Variants in PHF19 observed in about 807,000 individuals in gnomAD.
PHF19 encodes PHD finger protein 19, also known as polycomb like 3.
A neutral mutation model predicts 79.8 loss-of-function variants in PHF19; 21 were observed. The observed-to-expected ratio is 0.26, with a 90% CI of 0.19 to 0.38. PHF19 has a LOEUF of 0.38. Ranked by LOEUF, PHF19 falls within the 10% of genes least tolerant of loss-of-function variation. The pLI is 1.00. For synonymous variants in PHF19, 273 were observed against 296.3 expected (o/e 0.92, Z 0.81); for missense variants, 445 against 744.2 (o/e 0.60, Z 4.68).
Position 120,870,342 on chromosome 9 carries a change from G to T in PHF19, c.364+101C>A. The T allele has an allele frequency of 1.3e-6, 1 of 747,764 alleles. No homozygotes were observed. Among genetic ancestry groups the T allele is most frequent in the Non-Finnish European group, 2.3e-6 (1 of 428,132 alleles). The allele number at this position is 747,764 out of a possible 1,614,324, so 46.3% of individuals were successfully genotyped here. A position where few individuals can be genotyped will look rare whatever the true frequency, so the allele number is the denominator to read the frequency against. ...CCTGCAGTGCCAAGAGAAACAGGAA[G>T]CCAGCTGAGGCCCCAACAGGCTGCA... On this transcript the variant is annotated intron_variant, in intron 4 of 14. Coordinates refer to ENST00000373896, the MANE Select transcript of PHF19 (RefSeq NM_015651.3). This position sits in a 1 kb window ranked among gnomAD's most constrained non-coding sequence, Gnocchi z 4.4.
intron 14 of PHF19, 131 bp from the exon 15 acceptor site, chr9:120,858,417 A>G (rs950094303): frequency 1.9e-5 from 12 of 617,258 alleles, no homozygotes; most frequent in African/African-American, 1.3e-4. Flanking sequence ...TCTCTTATCC[A>G]TCTTCTCCCA....
At position 120,891,248 on chromosome 9, in the gene PHF19, T is replaced by TCTCTCCCCTC. The variant is rs1480709071; in HGVS notation, c.42+3530_42+3539dup. Among the ~76,000 whole-genome samples, 15 of 151,632 alleles carry TCTCTCCCCTC rather than the reference T, an allele frequency of 9.9e-5. No homozygotes were observed. The highest frequency in any genetic ancestry group is 3.4e-4 in the African/African-American group (14 of 41,330). Reference sequence around the variant, plus strand: ...ATCTGCCTCTCCCGCCCTCTTCCCTTCTCTCCCCTCCTCTCCCCTCCTTTC... The same window carrying TCTCTCCCCTC: ...ATCTGCCTCTCCCGCCCTCTTCCCTTCTCTCCCCTCCTCTCCCCTCCTCTCCCCTCCTTTC... On this transcript the variant is annotated intron_variant, in intron 1 of 14. Transcript: ENST00000616568. This position sits in a 1 kb window ranked among gnomAD's most constrained non-coding sequence, Gnocchi z 4.3.
chr9:120,858,053 G>A lies in PHF19; in HGVS notation c.1634C>T (p.Ala545Val). Residue 545 changes from alanine (A) to valine (V), a missense_variant, in exon 15 of 15, where the codon GCA becomes GTA. Ala to Val is a moderately conservative substitution (Grantham distance 64, BLOSUM62 0). Around this residue, in one of 5 missense-constraint regions of PHF19, gnomAD observed 20 missense variants for 47.6 expected, o/e 0.42. Coordinates refer to ENST00000373896, the MANE Select transcript of PHF19 (RefSeq NM_015651.3). ...CTCCCCACAGGCCAACCGCCCAGCT[G>A]CACCAAAGTAGTTGGTGATAGATGA... ...LKSSITNYFGAAGRLACGEKY... is the reference protein window; with the variant it reads ...LKSSITNYFGVAGRLACGEKY... The A allele has an allele frequency of 6.2e-7, 1 of 1,613,928 alleles. No homozygotes were observed. The highest frequency in any genetic ancestry group is 8.5e-7 in the Non-Finnish European group (1 of 1,179,750).
intron 1 of PHF19, among the ~76,000 whole-genome samples, chr9:120,887,539 G>C (rs2046281806): frequency 6.6e-6 from 1 of 152,102 alleles, no homozygotes; most frequent in Non-Finnish European, 1.5e-5. Flanking sequence ...TCGCCAGCCT[G>C]CTGGCCTGCC....
chr9:120,900,447 T>C, the PHF19 span, among the ~76,000 whole-genome samples: 6 of 152,254 alleles, frequency 3.9e-5, no homozygotes, highest in South Asian at 2.1e-4. Flanking sequence ...TGTTTGTATC[T>C]ACTTTCTCAA....
upstream of PHF19, chr9:120,877,394 T>G: frequency 1.0e-6 from 1 of 977,872 alleles, no homozygotes; most frequent in Non-Finnish European, 1.2e-6. Flanking sequence ...GGCCTCGCCA[T>G]TGGAGCCCGC....
At chr9:120,877,233 G>T, upstream of PHF19, 1 of 940,256 alleles carries the variant, frequency 1.1e-6, no homozygotes, top group South Asian at 4.7e-5. Flanking sequence ...GGGGCGGGGC[G>T]GGGCGGGGGC....
At position 120,860,200 on chromosome 9, in the gene PHF19, A is replaced by G; in HGVS notation, c.1305-15T>C. 2.7e-6 allele frequency: 4 copies of G among 1,479,030 alleles called. No individual in the cohort carries two copies. Among genetic ancestry groups the G allele is most frequent in the Non-Finnish European group, 3.7e-6 (4 of 1,072,214 alleles). The allele number at this position is 1,479,030 out of a possible 1,614,324, so 91.6% of individuals were successfully genotyped here. On this transcript the variant is annotated splice_polypyrimidine_tract_variant and intron_variant, in intron 13 of 14. Coordinates refer to ENST00000373896, the MANE Select transcript of PHF19 (RefSeq NM_015651.3). The surrounding 1 kb of genome is among the most constrained non-coding windows in gnomAD (Gnocchi z 4.1). ...CTGAGCTGGCACTGAGAGGGGCAAG[A>G]CCGTGAGCCTGCTGGTGGCCCGGCC...
At chr9:120,884,874 T>C (rs1029927116) in intron 1 of PHF19, among the ~76,000 whole-genome samples, 2 of 151,858 alleles carry the variant, frequency 1.3e-5, no homozygotes, top group Non-Finnish European at 2.9e-5. Flanking sequence ...TGAGTTCAGA[T>C]AGCACCACTG....
intron 1 of PHF19, among the ~76,000 whole-genome samples, chr9:120,887,064 T>TC (rs1554821912): frequency 1.4e-5 from 1 of 71,304 alleles, no homozygotes; most frequent in Non-Finnish European, 2.7e-5. Context: ...AGACTCTGTC[T>TC]AAAAAAAAAA....
chr9:120,901,090 G>A, the PHF19 span, among the ~76,000 whole-genome samples: 1 of 152,220 alleles, frequency 6.6e-6, no homozygotes, highest in Non-Finnish European at 1.5e-5. Flanking sequence ...CTTTGGCTGG[G>A]GGTAGAGGGA....
rs142100410 is a variant in PHF19, at chr9:120,862,429, G to A, written c.1130+159C>T. On this transcript the variant is annotated intron_variant, in intron 11 of 14. Transcript: ENST00000373896. This position sits in a 1 kb window ranked among gnomAD's most constrained non-coding sequence, Gnocchi z 4.6. ...AATAAGGGGGCTGTGGTGGTGAAAG[G>A]AGTTGGGGATCTGGGATCTGGGATC... Among the ~76,000 whole-genome samples the A allele has an allele frequency of 2.0e-3, 312 of 152,344 alleles. No individual in the cohort carries two copies. Among genetic ancestry groups the A allele is most frequent in the Non-Finnish European group, 3.1e-3 (211 of 68,020 alleles).
intron 6 of PHF19, among the ~76,000 whole-genome samples, chr9:120,867,914 A>G (rs771404396): frequency 1.3e-5 from 2 of 152,172 alleles, no homozygotes; most frequent in Non-Finnish European, 2.9e-5. Context: ...AGCAAGCTCA[A>G]CTGCCATGGC....
intron 9 of PHF19, among the ~76,000 whole-genome samples, chr9:120,865,443 G>C (rs2045670484): frequency 6.6e-6 from 1 of 152,304 alleles, no homozygotes; most frequent in South Asian, 2.1e-4. Flanking sequence ...ATCTGGAGTG[G>C]GTCAAACACT....
chr9:120,857,634 G>T lies in PHF19; in HGVS notation c.*310C>A. The T allele has an allele frequency of 3.4e-6, 1 of 293,294 alleles. No individual in the cohort carries two copies. The highest frequency in any genetic ancestry group is 6.3e-6 in the Non-Finnish European group (1 of 158,462). 18.2% of individuals were successfully genotyped at this position (293,294 alleles called of 1,614,324 possible). On this transcript the variant is annotated 3_prime_UTR_variant, in exon 15 of 15. Transcript: ENST00000373896. ...CACACAACTGGGGACAAAGACCTGGGCCTCAGGAGGAAGGGTCCCAGCGCA... is the reference window on the plus strand; with the variant it reads ...CACACAACTGGGGACAAAGACCTGGTCCTCAGGAGGAAGGGTCCCAGCGCA...
intron 1 of PHF19, among the ~76,000 whole-genome samples, chr9:120,876,716 C>T (rs1445708263): frequency 6.6e-6 from 1 of 152,194 alleles, no homozygotes; most frequent in Admixed American, 6.5e-5. Flanking sequence ...CCTTCGGGTT[C>T]AGCGCTCCTC....
rs1022737277 is a variant in PHF19 at position 120,856,125 on chromosome 9, G to A, written c.*1819C>T. The A allele has an allele frequency of 6.5e-6, 1 of 152,798 alleles. No individual in the cohort carries two copies. The highest frequency in any genetic ancestry group is 2.4e-5 in the African/African-American group (1 of 41,468). The allele number at this position is 152,798 out of a possible 1,614,324, so 9.5% of individuals were successfully genotyped here. A position where few individuals can be genotyped will look rare whatever the true frequency, so the allele number is the denominator to read the frequency against. ...TTCCACCTGGCCCTAGTTGGCCCCT[G>A]TGGCAGCAGCTGTGGGGCTGAAAAG... is the stretch of plus-strand genomic sequence containing the variant. On this transcript the variant is annotated 3_prime_UTR_variant, in exon 15 of 15. Coordinates refer to ENST00000373896, the MANE Select transcript of PHF19 (RefSeq NM_015651.3).
Position 120,873,963 on chromosome 9 carries a change from T to C in PHF19, c.268+16A>G, listed in dbSNP as rs778549976. 11 of 1,429,248 alleles carry C rather than the reference T, an allele frequency of 7.7e-6. No homozygotes were observed. Among genetic ancestry groups the C allele is most frequent in the Non-Finnish European group, 9.9e-6 (10 of 1,013,934 alleles). The allele number at this position is 1,429,248 out of a possible 1,614,324, so 88.5% of individuals were successfully genotyped here. On this transcript the variant is annotated intron_variant, in intron 3 of 14. Coordinates refer to ENST00000373896, the MANE Select transcript of PHF19 (RefSeq NM_015651.3). ...TGGGGAGGTTGGGGGCTACCCGAAA[T>C]GTTAGGAAAACTCACCATGCTGTAT...
chr9:120,862,625 A>C lies in PHF19; in HGVS notation c.1093T>G (p.Ser365Ala), dbSNP rs1389941569. Residue 365 changes from serine (S) to alanine (A), a missense_variant, in exon 11 of 15, where the codon TCC (serine) becomes GCC (alanine). Physicochemically the swap from Ser to Ala is moderately conservative, Grantham distance 99. This residue lies in a region of PHF19 where 83 missense variants were observed against 85.5 expected (regional missense o/e 0.97). Coordinates refer to ENST00000373896, the MANE Select transcript of PHF19 (RefSeq NM_015651.3). This position sits in a 1 kb window ranked among gnomAD's most constrained non-coding sequence, Gnocchi z 4.6. ...TTTCCTCTCTTACGCAGCTCAGAGGAGGCGCTGTTCTCATTTGGCAGCAGT... is the reference window on the plus strand; with the variant it reads ...TTTCCTCTCTTACGCAGCTCAGAGGCGGCGCTGTTCTCATTTGGCAGCAGT... ...KGLLPNENSA[S>A]SELRKRGKSK... The C allele has an allele frequency of 5.0e-6, 8 of 1,614,064 alleles. No homozygotes were observed. In the Admixed American group the frequency reaches 5.0e-5, roughly 10 times the overall value.
Sources: allele counts gnomAD v4.1 joint callset (sites outside exome capture counted in the v4.1 genomes callset), GRCh38; gene constraint gnomAD v4.1.1; regional missense constraint gnomAD v4.1.1; non-coding constraint Gnocchi (gnomAD v3.1); transcripts MANE v1.5; gene names NCBI Gene and HGNC (gene_info 2026-07-23, HGNC 2026-07-21).